CEP41: variants seen among roughly 807,000 people sequenced by gnomAD.
CEP41 encodes the protein centrosomal protein 41.
In CEP41, 32 loss-of-function variants were observed where a neutral mutation model predicts 44.3. The ratio of observed to expected loss-of-function variants is 0.72; its 90% CI spans 0.54 to 0.97. The LOEUF is 0.97. Ranked by LOEUF, CEP41 falls within the 50% of genes least tolerant of loss-of-function variation. CEP41 has a pLI of 0.00. For synonymous variants in CEP41, 151 were observed against 168.5 expected, an observed-to-expected ratio of 0.90 and a Z score of 0.80; for missense variants, 432 against 455.2, an observed-to-expected ratio of 0.95 and a Z score of 0.46.
rs1554413668 is a variant in CEP41, at chr7:130,394,375, T to C, written c.*4516A>G. 4.4e-6 allele frequency: 2 copies of C among 454,028 alleles called. No homozygotes were observed. Among genetic ancestry groups the C allele is most frequent in the Non-Finnish European group, 8.8e-6 (2 of 226,798 alleles). The allele number at this position is 454,028 out of a possible 1,614,324, so 28.1% of individuals were successfully genotyped here. A position where few individuals can be genotyped will look rare whatever the true frequency, so the allele number is the denominator to read the frequency against. On this transcript the variant is annotated 3_prime_UTR_variant, in exon 11 of 11. Transcript: ENST00000223208. ...TGGAAATTAAATGGGTCAAAACATA[T>C]AATGAAGAATCTAGGAGCAAAGTAA...
chr7:130,436,643 A>T (rs62473462), intron 1 of CEP41, among the ~76,000 whole-genome samples: 238 of 114,552 alleles, frequency 2.1e-3, no homozygotes, highest in African/African-American at 4.7e-3. Flanking sequence ...TCTTTGTACT[A>T]TTTTTTTTTT....
At chr7:130,421,245 G>C in intron 2 of CEP41, 1 of 985,378 alleles carries the variant, frequency 1.0e-6, no homozygotes. Flanking sequence ...AATAAGAAAA[G>C]CAAGTGATTT....
At chr7:130,430,109 C>T (rs782075616) in intron 1 of CEP41, among the ~76,000 whole-genome samples, 1 of 152,122 alleles carries the variant, frequency 6.6e-6, no homozygotes, top group Non-Finnish European at 1.5e-5. Context: ...AGCATACAAA[C>T]GATATGGGAT....
At chr7:130,425,225 C>A (rs1797626427) in intron 2 of CEP41, among the ~76,000 whole-genome samples, 2 of 106,858 alleles carry the variant, frequency 1.9e-5, no homozygotes, top group African/African-American at 8.8e-5. Flanking sequence ...ACAAGCCTAG[C>A]CAACATGACA....
At chr7:130,410,703 AT>A (rs1428802437) in intron 5 of CEP41, among the ~76,000 whole-genome samples, 40 of 152,196 alleles carry the variant, frequency 2.6e-4, no homozygotes, top group Admixed American at 2.1e-3. Context: ...CACCTTAGTA[AT>A]TTTGTGGTAC....
At position 130,394,415 on chromosome 7, in the gene CEP41, T is replaced by C. The variant is rs1554413696; in HGVS notation, c.*4476A>G. ...GAGCAAAGTAAGCTCTCCACAAACA[T>C]TGGCTAGTATTATTATTTTCTGGAA... On this transcript the variant is annotated 3_prime_UTR_variant, in exon 11 of 11. Coordinates refer to ENST00000223208, the MANE Select transcript of CEP41 (RefSeq NM_018718.3). The C allele has an allele frequency of 2.2e-6, 1 of 454,012 alleles. No homozygotes were observed. Among genetic ancestry groups the C allele is most frequent in the South Asian group, 1.6e-5 (1 of 64,458 alleles). The allele number at this position is 454,012 out of a possible 1,614,324, so 28.1% of individuals were successfully genotyped here.
At chr7:130,419,129 CTA>C in intron 2 of CEP41, 4 of 985,412 alleles carry the variant, frequency 4.1e-6, no homozygotes, top group Non-Finnish European at 4.8e-6. Context: ...ATCATGCCCT[CTA>C]TTTGTTTTCC....
chr7:130,408,021 T>C (rs1229514137), intron 5 of CEP41, among the ~76,000 whole-genome samples: 3 of 152,086 alleles, frequency 2.0e-5, no homozygotes, highest in Non-Finnish European at 4.4e-5. Context: ...GAGGTAAAAA[T>C]GCAAGTAAGA....
At chr7:130,441,585 C>G (rs1290718253), upstream of CEP41, among the ~76,000 whole-genome samples, 10 of 152,160 alleles carry the variant, frequency 6.6e-5, no homozygotes, top group East Asian at 1.9e-3. Context: ...AGCTATAGAG[C>G]GACATCCTTA....
rs782525741 is a variant in CEP41, at chr7:130,412,252, G to A, written c.146-12C>T. 1 of 1,306,900 alleles carries A rather than the reference G, an allele frequency of 7.7e-7. No individual in the cohort carries two copies. The highest frequency in any genetic ancestry group is 1.2e-5 in the South Asian group (1 of 84,384). 81.0% of individuals were successfully genotyped at this position (1,306,900 alleles called of 1,614,324 possible). On this transcript the variant is annotated splice_polypyrimidine_tract_variant and intron_variant, in intron 3 of 10. Transcript: ENST00000223208. ...TTTGTATCTATAATCTGAAAAATATGGTAAGACAAGTATTTATCTATTTTG... is the reference window on the plus strand; with the variant it reads ...TTTGTATCTATAATCTGAAAAATATAGTAAGACAAGTATTTATCTATTTTG...
chr7:130,404,420 A>G, intron 6 of CEP41, 144 bp downstream of exon 6: 1 of 687,682 alleles, frequency 1.5e-6, no homozygotes, highest in Non-Finnish European at 2.6e-6. Flanking sequence ...ATATAAAGAT[A>G]AAGTAGAAGG....
intron 1 of CEP41, among the ~76,000 whole-genome samples, chr7:130,430,547 C>T (rs1422395422): frequency 6.6e-6 from 1 of 152,160 alleles, no homozygotes; most frequent in Non-Finnish European, 1.5e-5. Flanking sequence ...AAAGACAGAG[C>T]AGATTCTTTA....
Position 130,404,657 on chromosome 7 carries a change from T to C in CEP41, c.329A>G (p.Asn110Ser), listed in dbSNP as rs1554417823. 2 of 1,612,862 alleles carry C rather than the reference T, an allele frequency of 1.2e-6. No homozygotes were observed. The highest frequency in any genetic ancestry group is 1.1e-5 in the South Asian group (1 of 91,064). The change falls in exon 6 of 11, where the codon AAT (asparagine) becomes AGT (serine). Residue 110 changes from asparagine (N) to serine (S), a missense_variant. By Grantham distance (46) the Asn-to-Ser change is conservative. Transcript: ENST00000223208. ...DPDAETTART[N>S]GKGNPGEQSP... ...CTGCTCACCTGGATTTCCTTTCCCA[T>C]TGGTCCTGGCAGTGGTTTCAGCATC...
At chr7:130,441,215 T>C (rs1798154508), upstream of CEP41, 1 of 446,790 alleles carries the variant, frequency 2.2e-6, no homozygotes. Flanking sequence ...TTCTCTGGGC[T>C]GGGGCTCGCC....
At position 130,397,815 on chromosome 7, in the gene CEP41, T is replaced by C; in HGVS notation, c.*1076A>G. 2.3e-6 allele frequency: 1 copy of C among 444,356 alleles called. No individual in the cohort carries two copies. Among genetic ancestry groups the C allele is most frequent in the Non-Finnish European group, 4.6e-6 (1 of 219,126 alleles). The allele number at this position is 444,356 out of a possible 1,614,324, so 27.5% of individuals were successfully genotyped here. A position where few individuals can be genotyped will look rare whatever the true frequency, so the allele number is the denominator to read the frequency against. On this transcript the variant is annotated 3_prime_UTR_variant, in exon 11 of 11. Transcript: ENST00000223208. ...CAATTCAATTAATGCTGATTCAAAA[T>C]TCCGGCCAAAACCAGAATCTATAAT...
intron 5 of CEP41, among the ~76,000 whole-genome samples, chr7:130,406,928 G>C (rs12706929): frequency 0.59 from 88,662 of 151,186 alleles, 26,660 homozygotes; most frequent in African/African-American, 0.72. Context: ...TGTAACAAAC[G>C]TGCACATTGT....
In CEP41 at chr7:130,400,833, A is replaced by G. The variant is rs782521409; in HGVS notation, c.643-12T>C. 1.3e-6 allele frequency: 2 copies of G among 1,564,932 alleles called. No homozygotes were observed. The highest frequency in any genetic ancestry group is 1.7e-5 in the Admixed American group (1 of 58,968). On this transcript the variant is annotated splice_polypyrimidine_tract_variant and intron_variant, in intron 8 of 10. Coordinates refer to ENST00000223208, the MANE Select transcript of CEP41 (RefSeq NM_018718.3). ...CCATGGGCATTTTTCTAAGAGTCAG[A>G]TGAGTTAAGGTTCCAAGGCACTGGG...
rs1554414240 is a variant in CEP41 at position 130,395,800 on chromosome 7, GA to G, written c.*3090del. 2.2e-6 allele frequency: 1 copy of G among 453,020 alleles called. No homozygotes were observed. The highest frequency in any genetic ancestry group is 4.4e-6 in the Non-Finnish European group (1 of 226,674). 28.1% of individuals were successfully genotyped at this position (453,020 alleles called of 1,614,324 possible). ...CAGGAAAAATCCCTGAGCAACTAAT[GA>G]ATGTTATTTGGTCTCTTTTCATTCG... On this transcript the variant is annotated 3_prime_UTR_variant, in exon 11 of 11. Transcript: ENST00000223208.
intron 2 of CEP41, chr7:130,422,044 T>C (rs559016665): frequency 2.0e-6 from 3 of 1,534,710 alleles, no homozygotes; most frequent in Non-Finnish European, 2.6e-6. Flanking sequence ...TTCAAAATAA[T>C]TCTGAGATTT....
Sources: allele counts gnomAD v4.1 joint callset (sites outside exome capture counted in the v4.1 genomes callset), GRCh38; gene constraint gnomAD v4.1.1; transcripts MANE v1.5; gene names NCBI Gene and HGNC (gene_info 2026-07-23, HGNC 2026-07-21).